Variants in SLURP2 observed in about 807,000 individuals in gnomAD.
SLURP2 encodes the protein secreted LY6/PLAUR domain containing 2.
SLURP2 carries 4 observed loss-of-function variants against 9.8 expected under a neutral mutation model. That is an observed-to-expected ratio of 0.41 (90% confidence interval 0.20 to 0.94). SLURP2 has a LOEUF of 0.94. Ranked by LOEUF, SLURP2 falls within the 40% of genes least tolerant of loss-of-function variation. SLURP2 has a pLI of 0.32. For missense variants in SLURP2, 118 were observed against 126.4 expected, an observed-to-expected ratio of 0.93 and a Z score of 0.32; for synonymous variants, 58 against 56.2, an observed-to-expected ratio of 1.03 and a Z score of -0.15.
At chr8:142,765,004 G>A in intron 2 of SLURP2, 32 bp downstream of exon 2, 1 of 1,555,054 alleles carries the variant, frequency 6.4e-7, no homozygotes, top group South Asian at 1.2e-5. Flanking sequence ...GGGCAAGAAG[G>A]ACGTGGCCAG....
chr8:142,767,888 G>A (rs766894412), intron 1 of SLURP2, among the ~76,000 whole-genome samples: 6 of 130,542 alleles, frequency 4.6e-5, no homozygotes, highest in African/African-American at 5.2e-5. Flanking sequence ...GAGGCTTGCA[G>A]AATGAATGAA....
At chr8:142,767,665 T>C (rs1346613076) in intron 1 of SLURP2, among the ~76,000 whole-genome samples, 1 of 152,114 alleles carries the variant, frequency 6.6e-6, no homozygotes, top group African/African-American at 2.4e-5. Context: ...GAAGGCCTCC[T>C]TGGTTTCCAG....
In SLURP2 at chr8:142,764,561, G is replaced by C. The variant is rs779111674; in HGVS notation, c.*44C>G. Reference sequence around the variant, plus strand: ...GTGAGCCCTGGCGCCAGGCTGTGGGGGCTGTGGGGGCTGAGCGTCCGGGGG... The same window carrying C: ...GTGAGCCCTGGCGCCAGGCTGTGGGCGCTGTGGGGGCTGAGCGTCCGGGGG... On this transcript the variant is annotated 3_prime_UTR_variant, in exon 3 of 3. Transcript: ENST00000317543. 3.8e-6 allele frequency: 6 copies of C among 1,589,634 alleles called. No individual in the cohort carries two copies. Among genetic ancestry groups the C allele is most frequent in the Non-Finnish European group, 5.1e-6 (6 of 1,169,862 alleles).
chr8:142,764,665 C>T lies in SLURP2; in HGVS notation c.234G>A (p.Leu78=), dbSNP rs776374916. Residue 78 remains leucine (L), a synonymous_variant, in exon 3 of 3, where the codon CTG becomes CTA. Coordinates refer to ENST00000317543, the MANE Select transcript of SLURP2 (RefSeq NM_177458.3). ...CHIGCPDIPS[L]GLGPYVSIAC... ...CGATGGATACGTAGGGGCCCAGGCC[C>T]AGGCTGGGGATATCGGGGCAGCCTA... 27 of 1,611,442 alleles carry T rather than the reference C, an allele frequency of 1.7e-5. No homozygotes were observed. The highest frequency in any genetic ancestry group is 2.2e-5 in the Non-Finnish European group (26 of 1,179,246).
At position 142,768,957 on chromosome 8, in the gene SLURP2, G is replaced by T. The variant is rs910722353; in HGVS notation, c.52+798C>A. On this transcript the variant is annotated intron_variant, in intron 1 of 2. Coordinates refer to ENST00000317543, the MANE Select transcript of SLURP2 (RefSeq NM_177458.3). The surrounding 1 kb of genome is among the most constrained non-coding windows in gnomAD (Gnocchi z 4.8). Reference sequence around the variant, plus strand: ...CAGGGACGCAGAGGCTTGGCCCCTGGGGGGCTGGGCTGCTTGGGCTTGGAG... The same window carrying T: ...CAGGGACGCAGAGGCTTGGCCCCTGTGGGGCTGGGCTGCTTGGGCTTGGAG... 3.3e-5 allele frequency among the ~76,000 whole-genome samples: 5 copies of T among 152,188 alleles called. No individual in the cohort carries two copies. Among genetic ancestry groups the T allele is most frequent in the Non-Finnish European group, 7.4e-5 (5 of 68,018 alleles).
chr8:142,764,889 A>G (rs1459618643), intron 2 of SLURP2, 147 bp downstream of exon 2: 1 of 1,178,550 alleles, frequency 8.5e-7, no homozygotes, highest in Non-Finnish European at 1.2e-6. Flanking sequence ...CCCTTTGCTC[A>G]TACCCTTCCC....
At chr8:142,767,142 G>A (rs1392741675) in intron 1 of SLURP2, among the ~76,000 whole-genome samples, 1 of 152,238 alleles carries the variant, frequency 6.6e-6, no homozygotes, top group Non-Finnish European at 1.5e-5. Flanking sequence ...GAGTCCTCTG[G>A]TCACCCCTGG....
chr8:142,767,203 A>T (rs1033464635), intron 1 of SLURP2, among the ~76,000 whole-genome samples: 4 of 152,172 alleles, frequency 2.6e-5, no homozygotes, highest in Non-Finnish European at 5.9e-5. Flanking sequence ...GGTGACACAG[A>T]TGGGAAGTTC....
intron 1 of SLURP2, among the ~76,000 whole-genome samples, chr8:142,765,712 G>A (rs587643078): frequency 1.3e-4 from 20 of 152,282 alleles, no homozygotes; most frequent in South Asian, 6.2e-4. Flanking sequence ...TGTAATCCCA[G>A]CACTTTGGGA....
Position 142,764,739 on chromosome 8 carries a change from C to A in SLURP2, c.160G>T (p.Val54Phe). The A allele has an allele frequency of 6.2e-7, 1 of 1,613,160 alleles. No homozygotes were observed. Among genetic ancestry groups the A allele is most frequent in the African/African-American group, 1.3e-5 (1 of 74,968 alleles). Residue 54 changes from valine to phenylalanine, a missense_variant and splice_region_variant, in exon 3 of 3, where the codon GTC becomes TTC. Coordinates refer to ENST00000317543, the MANE Select transcript of SLURP2 (RefSeq NM_177458.3). ...GGCAAATCCTCGGTGTTGCTGAGGA[C>A]CCCTGAGTGGGCAGGAGAGAAACCA... The part of the protein sequence containing the change: ...STHCVTTATR[V>F]LSNTEDLPLV...
At chr8:142,764,930 G>A in intron 2 of SLURP2, 106 bp downstream of exon 2, 1 of 1,158,944 alleles carries the variant, frequency 8.6e-7, no homozygotes, top group Admixed American at 2.0e-5. Context: ...TCCCCACTAT[G>A]CTTCTGACTT....
At position 142,764,379 on chromosome 8, in the gene SLURP2, G is replaced by A. The variant is rs587754933; in HGVS notation, c.*226C>T. On this transcript the variant is annotated 3_prime_UTR_variant, in exon 3 of 3. Transcript: ENST00000317543. ...AATCACATTTTATTGTGGGGAGGTC[G>A]GGACCTGAAGGGGCGGCAGGCACGA... The A allele has an allele frequency of 1.3e-3, 870 of 656,698 alleles. 1 individual carries two copies. The highest frequency in any genetic ancestry group is 2.0e-3 in the Non-Finnish European group (754 of 369,468). 40.7% of individuals were successfully genotyped at this position (656,698 alleles called of 1,614,324 possible).
intron 1 of SLURP2, among the ~76,000 whole-genome samples, chr8:142,769,007 G>A (rs1815089005): frequency 6.6e-6 from 1 of 152,122 alleles, no homozygotes; most frequent in Non-Finnish European, 1.5e-5. Flanking sequence ...CAGATCAAGG[G>A]GCCAGCTGGT....
chr8:142,764,860 C>T, intron 2 of SLURP2, 119 bp from the exon 3 acceptor site: 2 of 1,316,352 alleles, frequency 1.5e-6, no homozygotes, highest in Non-Finnish European at 1.1e-6. Context: ...GCATACGGGC[C>T]CTCCTGGGGC....
chr8:142,765,056 T>C lies in SLURP2; in HGVS notation c.137A>G (p.His46Arg). ...HGSRCLRDST[H>R]CVTTATRVLS... ...CTTACGGGTGGCAGTGGTGACACAGTGGGTGGAGTCCCTCAGGCATCTGGA... is the reference window on the plus strand; with the variant it reads ...CTTACGGGTGGCAGTGGTGACACAGCGGGTGGAGTCCCTCAGGCATCTGGA... Residue 46 changes from histidine (H) to arginine (R), a missense_variant, in exon 2 of 3, where the codon CAC becomes CGC. By Grantham distance (29) the His-to-Arg change is conservative. Coordinates refer to ENST00000317543, the MANE Select transcript of SLURP2 (RefSeq NM_177458.3). The C allele has an allele frequency of 6.2e-7, 1 of 1,612,290 alleles. No individual in the cohort carries two copies. The highest frequency in any genetic ancestry group is 8.5e-7 in the Non-Finnish European group (1 of 1,179,520).
At position 142,768,724 on chromosome 8, in the gene SLURP2, A is replaced by C. The variant is rs1815080093; in HGVS notation, c.52+1031T>G. 1.3e-5 allele frequency among the ~76,000 whole-genome samples: 2 copies of C among 152,108 alleles called. No individual in the cohort carries two copies. The highest frequency in any genetic ancestry group is 4.1e-4 in the South Asian group (2 of 4,832). ...AGGCCCCTGTGTGTCTCGGACCTTC[A>C]GCACAGAGCTGGTCTGCCCTCATGA... is the stretch of plus-strand genomic sequence containing the variant. On this transcript the variant is annotated intron_variant, in intron 1 of 2. Coordinates refer to ENST00000317543, the MANE Select transcript of SLURP2 (RefSeq NM_177458.3). The surrounding 1 kb of genome is among the most constrained non-coding windows in gnomAD (Gnocchi z 4.8).
chr8:142,766,865 C>G (rs1305099280), intron 1 of SLURP2, among the ~76,000 whole-genome samples: 1 of 152,212 alleles, frequency 6.6e-6, no homozygotes, highest in African/African-American at 2.4e-5. Flanking sequence ...GTGAGGGCTG[C>G]TCTGTCACAG....
chr8:142,764,944 G>T, intron 2 of SLURP2, 92 bp downstream of exon 2: 1 of 1,221,688 alleles, frequency 8.2e-7, no homozygotes, highest in Non-Finnish European at 1.2e-6. Context: ...CTGACTTACT[G>T]GGTGCCTGGA....
chr8:142,765,208 C>T lies in SLURP2; in HGVS notation c.53-68G>A, dbSNP rs974509061. On this transcript the variant is annotated intron_variant, in intron 1 of 2. Transcript: ENST00000317543. ...AGGTGTGGGCCACCTTCTGCAGTGACGGCACGCACTCATCTCCACCCAGCA... is the reference window on the plus strand; with the variant it reads ...AGGTGTGGGCCACCTTCTGCAGTGATGGCACGCACTCATCTCCACCCAGCA... 26 of 1,223,854 alleles carry T rather than the reference C, an allele frequency of 2.1e-5. No individual in the cohort carries two copies. In the East Asian group the frequency reaches 4.5e-4, roughly 21 times the overall value. The allele number at this position is 1,223,854 out of a possible 1,614,324, so 75.8% of individuals were successfully genotyped here.
Sources: gnomAD v4.1 joint callset for allele counts (sites outside exome capture counted in the v4.1 genomes callset) on GRCh38, gnomAD v4.1.1 for gene constraint, Gnocchi (gnomAD v3.1) non-coding constraint, MANE v1.5 for transcripts, NCBI Gene and HGNC (gene_info 2026-07-23, HGNC 2026-07-21) for gene names.